Variants in TRAPPC2L observed in about 807,000 individuals in gnomAD.
TRAPPC2L encodes trafficking protein particle complex subunit 2L, also known as trafficking protein particle complex subunit 2-like protein.
In TRAPPC2L, 17 loss-of-function variants were observed where a neutral mutation model predicts 13.2. The ratio of observed to expected loss-of-function variants is 1.29; its 90% CI spans 0.88 to 1.93. TRAPPC2L has a LOEUF of 1.93. TRAPPC2L is among the 30% of genes most tolerant of loss of function. TRAPPC2L has a pLI of 0.00. For missense variants in TRAPPC2L, 359 were observed against 252.1 expected, an observed-to-expected ratio of 1.42 and a Z score of -2.87; for synonymous variants, 150 against 98.1, an observed-to-expected ratio of 1.53 and a Z score of -3.12.
upstream of TRAPPC2L, chr16:88,856,563 C>T: frequency 1.6e-6 from 1 of 644,324 alleles, no homozygotes; most frequent in Admixed American, 2.1e-5. Flanking sequence ...AGGGGCCTCC[C>T]CCTCCCCGCA....
rs1360890714 is a variant in TRAPPC2L at position 88,858,808 on chromosome 16, G to T, written c.206+17G>T. On this transcript the variant is annotated intron_variant, in intron 2 of 3. Transcript: ENST00000565504. ...CTACAAGGTGTATCTTTCAGGGCAGGGTGTGTGTCAGGGAGGACCTACAGT... is the reference window on the plus strand; with the variant it reads ...CTACAAGGTGTATCTTTCAGGGCAGTGTGTGTGTCAGGGAGGACCTACAGT... 3 of 1,608,272 alleles carry T rather than the reference G, an allele frequency of 1.9e-6. No individual in the cohort carries two copies. The highest frequency in any genetic ancestry group is 2.5e-6 in the Non-Finnish European group (3 of 1,176,802).
chr16:88,860,742 C>T, exon 4 of TRAPPC2L: 1 of 702,144 alleles, frequency 1.4e-6, no homozygotes, highest in Non-Finnish European at 2.4e-6. Flanking sequence ...GATGGGTTCT[C>T]AGTGCCCGGT....
At chr16:88,859,781 A>G in intron 3 of TRAPPC2L, 31 bp downstream of exon 3, 1 of 1,598,154 alleles carries the variant, frequency 6.3e-7, no homozygotes, top group South Asian at 1.1e-5. Context: ...GCCACGCCCG[A>G]GTGGGTGTTT....
chr16:88,858,757 C>T (rs776256842), exon 2 of TRAPPC2L: 74 of 1,613,312 alleles, frequency 4.6e-5, no homozygotes, highest in Non-Finnish European at 5.8e-5. Flanking sequence ...GGAGCTGTAC[C>T]TGGGCCTGCT....
intron 1 of TRAPPC2L, 145 bp from the exon 2 acceptor site, chr16:88,858,474 C>G: frequency 1.2e-6 from 1 of 802,076 alleles, no homozygotes; most frequent in Non-Finnish European, 2.0e-6. Flanking sequence ...GTGCCCACTG[C>G]GGCATAGAGA....
At chr16:88,858,965 G>T in intron 2 of TRAPPC2L, 174 bp downstream of exon 2, 1 of 668,016 alleles carries the variant, frequency 1.5e-6, no homozygotes, top group Non-Finnish European at 2.5e-6. Context: ...TTCATTGGAA[G>T]AGCCATTTGG....
At chr16:88,856,494 C>T (rs941555077), upstream of TRAPPC2L, 3 of 699,012 alleles carry the variant, frequency 4.3e-6, no homozygotes, top group African/African-American at 5.3e-5. Context: ...ACAGTGGCAG[C>T]GCGTGTGGTG....
chr16:88,859,746 G>T, exon 3 of TRAPPC2L: 2 of 1,613,702 alleles, frequency 1.2e-6, no homozygotes, highest in Non-Finnish European at 1.7e-6. Flanking sequence ...AACGAAATTC[G>T]CAGCGTAAGT....
At chr16:88,860,927 A>G (rs776732712) in exon 4 of TRAPPC2L, 12 of 1,594,822 alleles carry the variant, frequency 7.5e-6, no homozygotes, top group South Asian at 3.4e-5. Context: ...CTTTGATAAC[A>G]TGGTGACGTC....
chr16:88,857,239 T>G (rs749889298), intron 1 of TRAPPC2L, 56 bp downstream of exon 1: 5 of 1,412,262 alleles, frequency 3.5e-6, no homozygotes, highest in East Asian at 5.9e-5. Flanking sequence ...CTCTCCGCTT[T>G]CTTTCTACTT....
At chr16:88,861,488 A>C (rs1968385707) in exon 4 of TRAPPC2L, 2 of 359,608 alleles carry the variant, frequency 5.6e-6, no homozygotes, top group South Asian at 4.1e-5. Flanking sequence ...GCCCGGCCTT[A>C]AAAGGAGCCC....
At chr16:88,856,782 G>A, upstream of TRAPPC2L, 2 of 1,544,462 alleles carry the variant, frequency 1.3e-6, no homozygotes, top group South Asian at 2.4e-5. Context: ...GGAGCAGGAT[G>A]TTGGGGGGCT....
At chr16:88,861,551 C>T (rs1968390805) in exon 4 of TRAPPC2L, 1 of 447,930 alleles carries the variant, frequency 2.2e-6, no homozygotes, top group Non-Finnish European at 4.7e-6. Flanking sequence ...AGCTGCAGCC[C>T]TGGTCCTAAA....
rs1406240654 is a variant in TRAPPC2L, at chr16:88,858,643, ACC to A, written c.61_62del (p.Pro21TyrfsTer20). The A allele has an allele frequency of 6.2e-7, 1 of 1,612,660 alleles. No homozygotes were observed. Among genetic ancestry groups the A allele is most frequent in the African/African-American group, 1.3e-5 (1 of 74,794 alleles). On this transcript the variant is annotated frameshift_variant, in exon 2 of 4. Transcript: ENST00000565504. LOFTEE classifies it high-confidence loss of function. ...GAATTACCCCCTCTACATTCGCAGC[ACC>A]CCTACGGAGAACGAGCTGAAGTTCC... is the stretch of plus-strand genomic sequence containing the variant.
exon 4 of TRAPPC2L, chr16:88,861,105 T>A: frequency 1.3e-6 from 1 of 744,504 alleles, no homozygotes; most frequent in Non-Finnish European, 2.2e-6. Flanking sequence ...AAAGGTCTTG[T>A]GAGAGGAGAT....
intron 1 of TRAPPC2L, among the ~76,000 whole-genome samples, chr16:88,858,066 T>A (rs1782460023): frequency 6.6e-6 from 1 of 152,344 alleles, no homozygotes; most frequent in African/African-American, 2.4e-5. Flanking sequence ...TCACTGTATT[T>A]GTGCAGGACC....
rs150043399 is a variant in TRAPPC2L, at chr16:88,859,635, C to T, written c.207-28C>T. The T allele has an allele frequency of 4.4e-6, 7 of 1,608,088 alleles. No homozygotes were observed. In the East Asian group the frequency reaches 8.9e-5, roughly 20 times the overall value. On this transcript the variant is annotated intron_variant, in intron 2 of 3. Coordinates refer to ENST00000565504, the Ensembl canonical transcript of TRAPPC2L. Reference sequence around the variant, plus strand: ...CCCTCCACCGGCAGTCCCTGTGTTACGAGTGCCTTCCCTAACCAGCTGTGC... The same window carrying T: ...CCCTCCACCGGCAGTCCCTGTGTTATGAGTGCCTTCCCTAACCAGCTGTGC...
intron 2 of TRAPPC2L, chr16:88,859,121 G>A (rs1381499112): frequency 2.2e-6 from 1 of 447,608 alleles, no homozygotes; most frequent in African/African-American, 2.0e-5. Context: ...CTTTGAGCAG[G>A]GGATAATAGT....
At chr16:88,856,910 C>T (rs768842620), upstream of TRAPPC2L, 12 of 1,496,000 alleles carry the variant, frequency 8.0e-6, no homozygotes, top group Middle Eastern at 2.3e-4. Context: ...CCCCGGCCAG[C>T]GAGCCGACCT....
Sources: gnomAD v4.1 joint callset for allele counts (sites outside exome capture counted in the v4.1 genomes callset) on GRCh38, gnomAD v4.1.1 for gene constraint, MANE v1.5 for transcripts, NCBI Gene and HGNC (gene_info 2026-07-23, HGNC 2026-07-21) for gene names.